Variants in CCDC201 observed in about 807,000 individuals in gnomAD.
CCDC201 encodes the protein coiled-coil domain-containing protein 201.
intron 2 of CCDC201, among the ~76,000 whole-genome samples, chr7:45,863,588 C>A (rs79111604): frequency 0.055 from 8,373 of 152,194 alleles, 322 homozygotes; most frequent in East Asian, 0.19. Context: ...GTGTTTAGGG[C>A]AGCTGCAGCA....
chr7:45,879,928 A>G, the CCDC201 span, among the ~76,000 whole-genome samples: 1 of 152,128 alleles, frequency 6.6e-6, no homozygotes, highest in African/African-American at 2.4e-5. Context: ...TCTATTAAAA[A>G]TACAAAAATT....
At chr7:45,872,733 A>G (rs1489197875) in intron 1 of CCDC201, among the ~76,000 whole-genome samples, 2 of 152,118 alleles carry the variant, frequency 1.3e-5, no homozygotes, top group African/African-American at 4.8e-5. Flanking sequence ...CCTGCAGGCC[A>G]TGTCGTGGGC....
At chr7:45,876,098 A>G (rs575755989), upstream of CCDC201, among the ~76,000 whole-genome samples, 11 of 152,252 alleles carry the variant, frequency 7.2e-5, no homozygotes, top group African/African-American at 2.6e-4. Flanking sequence ...AGGACAGCAG[A>G]GTGTGTCCTG....
intron 2 of CCDC201, among the ~76,000 whole-genome samples, chr7:45,864,122 G>A (rs555135942): frequency 1.9e-4 from 29 of 152,212 alleles, no homozygotes; most frequent in Non-Finnish European, 3.2e-4. Flanking sequence ...TGACCTCTAG[G>A]GAGGCTGCTG....
chr7:45,883,314 G>A, the CCDC201 span, among the ~76,000 whole-genome samples: 1 of 152,148 alleles, frequency 6.6e-6, no homozygotes, highest in Admixed American at 6.5e-5. Flanking sequence ...GAAGTACGTA[G>A]ATAGGCATTT....
chr7:45,879,692 C>T, the CCDC201 span, among the ~76,000 whole-genome samples: 1 of 152,230 alleles, frequency 6.6e-6, no homozygotes, highest in East Asian at 1.9e-4. Flanking sequence ...TATAATTTGA[C>T]ATGAGATTTG....
chr7:45,871,874 A>G (rs946192255), intron 1 of CCDC201, among the ~76,000 whole-genome samples: 5 of 152,216 alleles, frequency 3.3e-5, no homozygotes, highest in Non-Finnish European at 5.9e-5. Context: ...ATTTAGAAGT[A>G]TGAAAACTTT....
intron 1 of CCDC201, among the ~76,000 whole-genome samples, chr7:45,869,537 C>T (rs568578119): frequency 1.3e-5 from 2 of 152,292 alleles, no homozygotes; most frequent in African/African-American, 4.8e-5. Context: ...TTGATCATGA[C>T]CACTTACAGA....
chr7:45,882,070 G>A, the CCDC201 span, among the ~76,000 whole-genome samples: 28 of 151,930 alleles, frequency 1.8e-4, no homozygotes, highest in Non-Finnish European at 4.0e-4. Context: ...TTTTTTCCCC[G>A]TGTTAAAAAC....
chr7:45,861,469 C>A (rs1786599775), exon 3 of CCDC201: 1 of 152,168 alleles, frequency 6.6e-6, no homozygotes, highest in South Asian at 2.1e-4. Flanking sequence ...TCATATAGAA[C>A]ATCCAATGAA....
chr7:45,871,093 T>TA (rs1429368690), intron 1 of CCDC201, among the ~76,000 whole-genome samples: 1 of 152,252 alleles, frequency 6.6e-6, no homozygotes, highest in Non-Finnish European at 1.5e-5. Flanking sequence ...TAAAATATTG[T>TA]AATATATTGA....
chr7:45,864,574 G>GC (rs1786648173), intron 2 of CCDC201, among the ~76,000 whole-genome samples: 1 of 152,142 alleles, frequency 6.6e-6, no homozygotes, highest in South Asian at 2.1e-4. Context: ...CCCTGTGATG[G>GC]CCCCCTCCAA....
At chr7:45,871,340 G>T (rs771887862) in intron 1 of CCDC201, among the ~76,000 whole-genome samples, 7 of 151,062 alleles carry the variant, frequency 4.6e-5, no homozygotes, top group Non-Finnish European at 8.8e-5. Flanking sequence ...TAAATGACAA[G>T]GAATCTAAGA....
chr7:45,880,105 T>C, the CCDC201 span, among the ~76,000 whole-genome samples: 7 of 152,078 alleles, frequency 4.6e-5, no homozygotes, highest in African/African-American at 1.7e-4. Context: ...AAAAATAAAG[T>C]TACTGAATCT....
At chr7:45,884,021 C>T in the CCDC201 span, among the ~76,000 whole-genome samples, 7 of 122,004 alleles carry the variant, frequency 5.7e-5, no homozygotes, top group South Asian at 2.5e-4. Context: ...TTCTTTCTCT[C>T]TCTTTCTTCC....
the CCDC201 span, among the ~76,000 whole-genome samples, chr7:45,884,761 G>C: frequency 6.6e-6 from 1 of 152,156 alleles, no homozygotes; most frequent in South Asian, 2.1e-4. Context: ...TAGACCTGCT[G>C]TCTCTTCCCA....
Position 45,866,756 on chromosome 7 carries a change from T to C in CCDC201, c.19-262A>G, listed in dbSNP as rs532068211. 5.5e-4 allele frequency among the ~76,000 whole-genome samples: 83 copies of C among 152,292 alleles called. 1 individual carries two copies. Among genetic ancestry groups the C allele is most frequent in the African/African-American group, 2.0e-3 (82 of 41,554 alleles). ...ATTATTGTCAAAACAGTAAGCATTG[T>C]CAGAGATGTATTTTTCAAGAATAGG... On this transcript the variant is annotated intron_variant, in intron 1 of 2. Coordinates refer to ENST00000636578, the Ensembl canonical transcript of CCDC201.
At chr7:45,868,114 T>C (rs186278454) in intron 1 of CCDC201, among the ~76,000 whole-genome samples, 2 of 152,216 alleles carry the variant, frequency 1.3e-5, no homozygotes, top group Non-Finnish European at 1.5e-5. Context: ...GGGTCACCCA[T>C]GAGGCTGTCA....
the CCDC201 span, among the ~76,000 whole-genome samples, chr7:45,878,271 G>A: frequency 6.6e-6 from 1 of 152,206 alleles, no homozygotes; most frequent in African/African-American, 2.4e-5. Context: ...TATCATTCTG[G>A]AGTCTGGAGA....
Sources: gnomAD v4.1 joint callset for allele counts (sites outside exome capture counted in the v4.1 genomes callset) on GRCh38, gnomAD v4.1.1 for gene constraint, MANE v1.5 for transcripts, NCBI Gene and HGNC (gene_info 2026-07-23, HGNC 2026-07-21) for gene names.